Variants in CNTNAP4 observed in about 807,000 individuals in gnomAD.
CNTNAP4 encodes contactin-associated protein-like 4.
In CNTNAP4, 98 loss-of-function variants were observed where a neutral mutation model predicts 148.4. The ratio of observed to expected loss-of-function variants is 0.66; its 90% CI spans 0.56 to 0.78. The LOEUF is 0.78. Among genes scored for constraint, CNTNAP4 ranks in the 30% least tolerant of loss-of-function variants. The probability of loss-of-function intolerance (pLI) is 0.00; values close to 1 mark genes in which losing one functional copy is unlikely to be tolerated. For missense variants in CNTNAP4, 1,935 were observed against 1,565.6 expected (o/e 1.24, Z -3.98); for synonymous variants, 730 against 565.1 (o/e 1.29, Z -4.14).
At chr16:76,438,213 C>T (rs902390325) in intron 4 of CNTNAP4, among the ~76,000 whole-genome samples, 2 of 152,102 alleles carry the variant, frequency 1.3e-5, no homozygotes, top group Admixed American at 6.6e-5. Flanking sequence ...GGTCCGTGCT[C>T]CTGCAGACAC....
intron 4 of CNTNAP4, among the ~76,000 whole-genome samples, chr16:76,447,351 T>TGAAATTATATATATATATATGA (rs35343618): frequency 1.1e-5 from 1 of 89,704 alleles, no homozygotes; most frequent in African/African-American, 2.8e-5. Flanking sequence ...TATATATATA[T>TGAAATTATATATATATATATGA]GAAATTATAT....
intron 9 of CNTNAP4, among the ~76,000 whole-genome samples, chr16:76,463,630 T>G (rs1371746788): frequency 2.6e-5 from 4 of 152,148 alleles, no homozygotes; most frequent in African/African-American, 9.7e-5. Context: ...ACATCCAGTT[T>G]CCTCTATTGT....
chr16:76,420,276 G>GTATATTCTGTAGAAT (rs2079140209), intron 3 of CNTNAP4, among the ~76,000 whole-genome samples: 2 of 72,930 alleles, frequency 2.7e-5, no homozygotes, highest in African/African-American at 3.5e-5. Context: ...TTCTATAGGA[G>GTATATTCTGTAGAAT]ATAAATATTA....
intron 12 of CNTNAP4, among the ~76,000 whole-genome samples, 183 bp downstream of exon 12, chr16:76,479,721 T>G (rs894920582): frequency 6.6e-6 from 1 of 152,186 alleles, no homozygotes; most frequent in East Asian, 1.9e-4. Context: ...TTAAATGTCT[T>G]TTTTAATGCA....
At chr16:76,454,267 A>G (rs1026241179) in intron 8 of CNTNAP4, among the ~76,000 whole-genome samples, 1 of 152,114 alleles carries the variant, frequency 6.6e-6, no homozygotes, top group East Asian at 1.9e-4. Flanking sequence ...GGCATGTGCC[A>G]CCACACCCAG....
chr16:76,476,434 A>G (rs2081582528), intron 11 of CNTNAP4, among the ~76,000 whole-genome samples: 2 of 152,204 alleles, frequency 1.3e-5, no homozygotes, highest in Non-Finnish European at 2.9e-5. Context: ...AGATTCTCAG[A>G]AACAGCCCTG....
chr16:76,330,092 G>A (rs930464100), intron 2 of CNTNAP4, among the ~76,000 whole-genome samples: 1 of 152,148 alleles, frequency 6.6e-6, no homozygotes, highest in African/African-American at 2.4e-5. Flanking sequence ...CCAGCTGCCT[G>A]CAAGGTGTTT....
intron 15 of CNTNAP4, among the ~76,000 whole-genome samples, chr16:76,508,517 G>A (rs1380738233): frequency 1.2e-5 from 1 of 80,978 alleles, no homozygotes; most frequent in African/African-American, 3.4e-5. Flanking sequence ...ATTATTTTAT[G>A]GTCTATTTTG....
intron 15 of CNTNAP4, among the ~76,000 whole-genome samples, chr16:76,509,009 C>A: frequency 1.0e-5 from 1 of 96,590 alleles, no homozygotes; most frequent in Non-Finnish European, 2.9e-5. Context: ...CCTTGGCCTC[C>A]CAAAGTGCTG....
At chr16:76,425,953 CA>C (rs2079381142) in intron 3 of CNTNAP4, among the ~76,000 whole-genome samples, 1 of 152,014 alleles carries the variant, frequency 6.6e-6, no homozygotes, top group South Asian at 2.1e-4. Flanking sequence ...TGGCAAAGAA[CA>C]AAATAATAAT....
chr16:76,485,966 A>G (rs2082011553), intron 12 of CNTNAP4, among the ~76,000 whole-genome samples: 1 of 152,188 alleles, frequency 6.6e-6, no homozygotes, highest in Non-Finnish European at 1.5e-5. Flanking sequence ...ACCTTCAGCT[A>G]TTCAGCGTGA....
chr16:76,522,197 A>T lies in CNTNAP4; in HGVS notation c.2695A>T (p.Thr899Ser). The T allele has an allele frequency of 6.2e-7, 1 of 1,613,966 alleles. No homozygotes were observed. Among genetic ancestry groups the T allele is most frequent in the African/African-American group, 1.3e-5 (1 of 75,040 alleles). The part of the protein sequence containing the change: ...SLQVDQLTPK[T>S]QPAPADGHVL... Reference sequence around the variant, plus strand: ...TCAAGTGGATCAGCTGACACCAAAGACACAGCCCGCCCCCGCTGATGGGCA... The same window carrying T: ...TCAAGTGGATCAGCTGACACCAAAGTCACAGCCCGCCCCCGCTGATGGGCA... The change falls in exon 17 of 24, where the codon ACA becomes TCA. Residue 899 changes from threonine to serine, a missense_variant. By Grantham distance (58) the Thr-to-Ser change is moderately conservative (BLOSUM62 1). Transcript: ENST00000611870.
intron 10 of CNTNAP4, among the ~76,000 whole-genome samples, chr16:76,475,314 C>G (rs2081530017): frequency 6.6e-6 from 1 of 152,160 alleles, no homozygotes; most frequent in Non-Finnish European, 1.5e-5. Context: ...ATATAATGAT[C>G]TAATGTTGAA....
At chr16:76,384,158 C>G (rs530227442) in intron 3 of CNTNAP4, among the ~76,000 whole-genome samples, 140 of 152,150 alleles carry the variant, frequency 9.2e-4, no homozygotes, top group Admixed American at 2.0e-3. Flanking sequence ...ATTCTCCTGC[C>G]TCAGCCTCCT....
Position 76,472,271 on chromosome 16 carries a change from A to G in CNTNAP4, c.1656-3668A>G, listed in dbSNP as rs1825366574. ...GTTACTAGTAGTAAACATTATGATA[A>G]TATAATGACTTTAAATAAAATTCAC... On this transcript the variant is annotated intron_variant, in intron 10 of 23. Transcript: ENST00000611870. Among the ~76,000 whole-genome samples the G allele has an allele frequency of 1.3e-5, 2 of 152,068 alleles. 1 individual carries two copies. Among genetic ancestry groups the G allele is most frequent in the African/African-American group, 4.8e-5 (2 of 41,346 alleles).
chr16:76,449,156 G>T (rs1047475553), intron 6 of CNTNAP4, among the ~76,000 whole-genome samples: 3 of 152,106 alleles, frequency 2.0e-5, no homozygotes, highest in Non-Finnish European at 2.9e-5. Flanking sequence ...TAAATTTATT[G>T]TTATAGAGGG....
intron 2 of CNTNAP4, among the ~76,000 whole-genome samples, chr16:76,322,676 T>C (rs900803329): frequency 1.3e-5 from 2 of 152,198 alleles, no homozygotes; most frequent in African/African-American, 4.8e-5. Flanking sequence ...AACACAGTGC[T>C]GTACACATTT....
chr16:76,526,371 G>A (rs1030568921), intron 17 of CNTNAP4, among the ~76,000 whole-genome samples: 13 of 152,130 alleles, frequency 8.5e-5, no homozygotes, highest in Non-Finnish European at 1.8e-4. Flanking sequence ...CCATGGCGAG[G>A]ACTATGGATT....
rs541905573 is a variant in CNTNAP4 at position 76,553,349 on chromosome 16, C to A, written c.3509C>A (p.Ala1170Glu). Residue 1170 changes from alanine to glutamate, a missense_variant, in exon 22 of 24, where the codon GCA (alanine) becomes GAA (glutamate). Physicochemically the swap from Ala to Glu is moderately radical, Grantham distance 107 (BLOSUM62 -1). Coordinates refer to ENST00000611870, the MANE Select transcript of CNTNAP4 (RefSeq NM_033401.5). The part of the protein sequence containing the change: ...GAQGFTGCLS[A>E]VQLSHVAPLK... ...CAGGGCTTCACAGGCTGCCTCTCTGCAGTGCAGCTCAGCCACGTGGCCCCT... is the reference window on the plus strand; with the variant it reads ...CAGGGCTTCACAGGCTGCCTCTCTGAAGTGCAGCTCAGCCACGTGGCCCCT... 1.2e-6 allele frequency: 2 copies of A among 1,612,794 alleles called. No homozygotes were observed. Among genetic ancestry groups the A allele is most frequent in the South Asian group, 2.2e-5 (2 of 90,778 alleles).
Sources: allele counts gnomAD v4.1 joint callset (sites outside exome capture counted in the v4.1 genomes callset), GRCh38; gene constraint gnomAD v4.1.1; transcripts MANE v1.5; gene names NCBI Gene and HGNC (gene_info 2026-07-23, HGNC 2026-07-21).